AAGAB: variants seen among roughly 807,000 people sequenced by gnomAD.
AAGAB encodes the protein alpha and gamma adaptin binding protein, also known as alpha- and gamma-adaptin-binding protein p34.
In AAGAB, 38 loss-of-function variants were observed where a neutral mutation model predicts 44.1. The ratio of observed to expected loss-of-function variants is 0.86; its 90% CI spans 0.67 to 1.13. The LOEUF (loss-of-function observed/expected upper bound fraction) is 1.13. Ranked by LOEUF, AAGAB falls within the 50% of genes most tolerant of loss-of-function variation. The probability of loss-of-function intolerance (pLI) is 0.00; values close to 1 mark genes in which losing one functional copy is unlikely to be tolerated. For synonymous variants in AAGAB, 131 were observed against 131.8 expected (o/e 0.99, Z 0.04); for missense variants, 450 against 373.8 (o/e 1.20, Z -1.68).
At chr15:67,230,242 T>C (rs1964304917) in intron 5 of AAGAB, among the ~76,000 whole-genome samples, 1 of 152,128 alleles carries the variant, frequency 6.6e-6, no homozygotes, top group South Asian at 2.1e-4. Context: ...AAAAACCCTA[T>C]ACAGGAAGCA....
intron 5 of AAGAB, among the ~76,000 whole-genome samples, chr15:67,225,179 C>G (rs1362116167): frequency 6.6e-6 from 1 of 152,160 alleles, no homozygotes; most frequent in Non-Finnish European, 1.5e-5. Context: ...TGTGCAAACA[C>G]GTTTGAGAAC....
intron 7 of AAGAB, among the ~76,000 whole-genome samples, chr15:67,207,996 T>A (rs1963723790): frequency 6.6e-6 from 1 of 152,186 alleles, no homozygotes; most frequent in Non-Finnish European, 1.5e-5. Context: ...TATCAGTAGT[T>A]CCCCAGCGAA....
chr15:67,239,351 AC>A (rs1422479277), intron 1 of AAGAB, among the ~76,000 whole-genome samples: 7 of 152,244 alleles, frequency 4.6e-5, no homozygotes, highest in Non-Finnish European at 1.0e-4. Flanking sequence ...AAAGAACAAA[AC>A]AATGTTTGTT....
intron 1 of AAGAB, among the ~76,000 whole-genome samples, chr15:67,244,519 A>C (rs1345171701): frequency 6.6e-6 from 1 of 152,280 alleles, no homozygotes; most frequent in Non-Finnish European, 1.5e-5. Flanking sequence ...CGGGCAAAAA[A>C]GAGCCAGGCA....
intron 1 of AAGAB, among the ~76,000 whole-genome samples, chr15:67,240,924 G>A (rs1308574509): frequency 2.0e-5 from 3 of 151,998 alleles, no homozygotes; most frequent in Non-Finnish European, 4.4e-5. Context: ...AAGAAAAGAG[G>A]CAGCTGGCTT....
intron 5 of AAGAB, among the ~76,000 whole-genome samples, chr15:67,214,594 T>C (rs1349650161): frequency 6.6e-6 from 1 of 152,092 alleles, no homozygotes; most frequent in African/African-American, 2.4e-5. Flanking sequence ...GACATAGGTC[T>C]AATTAGAACA....
At chr15:67,209,395 C>T in intron 6 of AAGAB, 67 bp downstream of exon 6, 1 of 1,272,878 alleles carries the variant, frequency 7.9e-7, no homozygotes, top group Non-Finnish European at 1.1e-6. Flanking sequence ...GTGAATGTGT[C>T]AAGATTCATA....
rs1163289435 is a variant in AAGAB at position 67,236,716 on chromosome 15, G to A, written c.178C>T (p.Leu60=). 1 of 1,613,672 alleles carries A rather than the reference G, an allele frequency of 6.2e-7. No individual in the cohort carries two copies. The highest frequency in any genetic ancestry group is 1.3e-5 in the African/African-American group (1 of 74,906). ...DNKYYSADIN[L]CVVPNKFLVT... ...AGAAATTTGTTTGGCACCACACATA[G>A]ATTGATGTCTGCTGAATAGTATTTA... The change falls in exon 2 of 10, where the codon CTA becomes TTA. Residue 60 remains leucine, a synonymous_variant. Coordinates refer to ENST00000261880, the MANE Select transcript of AAGAB (RefSeq NM_024666.5).
intron 5 of AAGAB, among the ~76,000 whole-genome samples, chr15:67,216,895 T>G (rs754508243): frequency 1.3e-5 from 2 of 152,216 alleles, no homozygotes; most frequent in Non-Finnish European, 2.9e-5. Context: ...GTAACTAATT[T>G]GAAGAGATTT....
intron 5 of AAGAB, among the ~76,000 whole-genome samples, chr15:67,226,390 G>A (rs1283956612): frequency 2.6e-5 from 4 of 152,114 alleles, no homozygotes; most frequent in Admixed American, 2.6e-4. Context: ...CCAAAGTGCT[G>A]GGATTTCGGG....
chr15:67,234,772 G>C (rs1964423267), intron 4 of AAGAB, among the ~76,000 whole-genome samples: 1 of 152,112 alleles, frequency 6.6e-6, no homozygotes, highest in African/African-American at 2.4e-5. Context: ...AAATCACACA[G>C]GCTCACATAC....
At chr15:67,244,687 C>T (rs1394652876) in intron 1 of AAGAB, among the ~76,000 whole-genome samples, 1 of 151,970 alleles carries the variant, frequency 6.6e-6, no homozygotes, top group African/African-American at 2.4e-5. Flanking sequence ...ACCTGTAATG[C>T]CAGCTTCTTG....
At chr15:67,216,443 A>G (rs1322080150) in intron 5 of AAGAB, among the ~76,000 whole-genome samples, 32 of 2,632 alleles carry the variant, frequency 0.012, no homozygotes, top group South Asian at 0.059. Flanking sequence ...CTCACTCTTG[A>G]AAAAAAAAAA....
At chr15:67,213,781 A>G (rs1395189224) in intron 5 of AAGAB, among the ~76,000 whole-genome samples, 1 of 152,250 alleles carries the variant, frequency 6.6e-6, no homozygotes, top group Admixed American at 6.5e-5. Context: ...AGTAATAGAT[A>G]ACATTTACTA....
chr15:67,254,590 G>A lies in AAGAB; in HGVS notation c.42C>T (p.Ser14=), dbSNP rs188441125. The change falls in exon 1 of 10, where the codon TCC becomes TCT. Residue 14 remains serine, a synonymous_variant. Coordinates refer to ENST00000261880, the MANE Select transcript of AAGAB (RefSeq NM_024666.5). ...GVPCALVTSC[S]SVFSGDQLVQ... ...CCAGCTGGTCTCCTGAGAAGACGGAGGAGCAGCTGGTGACTAACGCACAGG... is the reference window on the plus strand; with the variant it reads ...CCAGCTGGTCTCCTGAGAAGACGGAAGAGCAGCTGGTGACTAACGCACAGG... 7.5e-6 allele frequency: 12 copies of A among 1,609,910 alleles called. No homozygotes were observed. In the East Asian group the frequency reaches 1.1e-4, roughly 15 times the overall value.
Position 67,204,049 on chromosome 15 carries a change from A to G in AAGAB, c.815T>C (p.Met272Thr), listed in dbSNP as rs375593998. 1.9e-6 allele frequency: 3 copies of G among 1,588,264 alleles called. No homozygotes were observed. Among genetic ancestry groups the G allele is most frequent in the South Asian group, 2.2e-5 (2 of 90,368 alleles). The change falls in exon 8 of 10, where the codon ATG becomes ACG. Residue 272 changes from methionine to threonine, a missense_variant. Transcript: ENST00000261880. ...GACACAATGGATCTGATTACCTTTC[A>G]TTTCCTTTAACTTTGAAAAGAGTCT... ...FERLFSKLKE[M>T]KDKAATLPHE...
chr15:67,222,242 G>GCGCGCA lies in AAGAB; in HGVS notation c.535+9571_535+9572insTGCGCG, dbSNP rs1367738219. 9.9e-3 allele frequency among the ~76,000 whole-genome samples: 895 copies of GCGCGCA among 90,082 alleles called. 4 individuals are homozygous for GCGCGCA. The highest frequency in any genetic ancestry group is 0.033 in the East Asian group (54 of 1,620). The allele number at this position is 90,082 out of a possible 152,430, so 59.1% of individuals were successfully genotyped here. ...TGCATGCACGCGCACGCGCGCGCGC[G>GCGCGCA]CACACACACACACACACACACACAC... is the stretch of plus-strand genomic sequence containing the variant. On this transcript the variant is annotated intron_variant, in intron 5 of 9. Transcript: ENST00000261880.
At chr15:67,245,964 G>A (rs1964711510) in intron 1 of AAGAB, among the ~76,000 whole-genome samples, 1 of 152,182 alleles carries the variant, frequency 6.6e-6, no homozygotes, top group Non-Finnish European at 1.5e-5. Context: ...GCTGGAGTTT[G>A]ATCCAAATAC....
At chr15:67,236,870 T>C (rs565471963) in intron 1 of AAGAB, 50 bp from the exon 2 acceptor site, 11 of 1,429,816 alleles carry the variant, frequency 7.7e-6, no homozygotes, top group African/African-American at 1.4e-5. Context: ...CCAATATACA[T>C]TGGTTGATTT....
Sources: allele counts gnomAD v4.1 joint callset (sites outside exome capture counted in the v4.1 genomes callset), GRCh38; gene constraint gnomAD v4.1.1; transcripts MANE v1.5; gene names NCBI Gene and HGNC (gene_info 2026-07-23, HGNC 2026-07-21).